SYNRG: variants seen among roughly 807,000 people sequenced by gnomAD.
SYNRG encodes the protein AP1 gamma subunit binding protein 1.
SYNRG carries 37 observed loss-of-function variants against 130.9 expected under a neutral mutation model. The ratio of observed to expected loss-of-function variants is 0.28; its 90% CI spans 0.22 to 0.37. The LOEUF (loss-of-function observed/expected upper bound fraction) is 0.37, where lower values mean the gene tolerates loss of function less well. Ranked by LOEUF, SYNRG falls within the 10% of genes least tolerant of loss-of-function variation. The pLI, the probability that SYNRG is intolerant of heterozygous loss-of-function variation, is 1.00. For synonymous variants in SYNRG, 539 were observed against 568.1 expected, an observed-to-expected ratio of 0.95 and a Z score of 0.73; for missense variants, 1,338 against 1,588.9, an observed-to-expected ratio of 0.84 and a Z score of 2.68.
At chr17:37,564,703 A>C (rs1468175791) in intron 11 of SYNRG, among the ~76,000 whole-genome samples, 2 of 152,218 alleles carry the variant, frequency 1.3e-5, no homozygotes, top group African/African-American at 4.8e-5. Context: ...ACCATGATTT[A>C]ACAAATCTCT....
At chr17:37,582,937 C>T (rs766210566) in intron 6 of SYNRG, among the ~76,000 whole-genome samples, 11 of 151,340 alleles carry the variant, frequency 7.3e-5, no homozygotes, top group Admixed American at 2.0e-4. Flanking sequence ...TTAAAAGGTG[C>T]CTTTGGTGGT....
In SYNRG at chr17:37,527,003, A is replaced by T. The variant is rs376800913; in HGVS notation, c.3667-6355T>A. ...ATCCTGTCTCTAAAACATTGTGCAGACTGGCAAGATGACAAAAATGCTATC... is the reference window on the plus strand; with the variant it reads ...ATCCTGTCTCTAAAACATTGTGCAGTCTGGCAAGATGACAAAAATGCTATC... On this transcript the variant is annotated intron_variant, in intron 19 of 21. Transcript: ENST00000612223. Among the ~76,000 whole-genome samples the T allele has an allele frequency of 8.5e-5, 13 of 152,358 alleles. No homozygotes were observed. The East Asian group carries it at 2.3e-3, about 27-fold the overall frequency.
intron 10 of SYNRG, 28 bp downstream of exon 10, chr17:37,570,609 C>T: frequency 1.9e-6 from 3 of 1,587,794 alleles, no homozygotes; most frequent in Non-Finnish European, 2.6e-6. Flanking sequence ...CAGTGATTAT[C>T]TGAAATATGC....
intron 1 of SYNRG, among the ~76,000 whole-genome samples, chr17:37,608,672 A>G (rs2064039021): frequency 2.0e-5 from 3 of 152,204 alleles, no homozygotes; most frequent in African/African-American, 7.2e-5. Context: ...AAGAAGACAG[A>G]CAAGTCTTAA....
chr17:37,575,169 G>A (rs1394000959), intron 8 of SYNRG, among the ~76,000 whole-genome samples: 2 of 151,914 alleles, frequency 1.3e-5, no homozygotes, highest in Non-Finnish European at 2.9e-5. Context: ...AGTGGTGGGG[G>A]GGAATAATGG....
chr17:37,581,387 C>A (rs1273130716), intron 6 of SYNRG, among the ~76,000 whole-genome samples: 1 of 146,588 alleles, frequency 6.8e-6, no homozygotes, highest in South Asian at 2.2e-4. Flanking sequence ...AAGTGATTCT[C>A]GTGCCTCAGC....
chr17:37,571,324 G>A (rs1202629704), intron 9 of SYNRG, among the ~76,000 whole-genome samples: 2 of 152,218 alleles, frequency 1.3e-5, no homozygotes, highest in African/African-American at 4.8e-5. Flanking sequence ...GCTCATGCCT[G>A]TAATCCCAGC....
intron 14 of SYNRG, among the ~76,000 whole-genome samples, chr17:37,549,310 A>G (rs1445992623): frequency 6.6e-6 from 1 of 152,142 alleles, no homozygotes; most frequent in Non-Finnish European, 1.5e-5. Flanking sequence ...AAAAACAGTA[A>G]TATTCTCAAG....
chr17:37,555,987 G>A (rs1453854664), intron 13 of SYNRG, among the ~76,000 whole-genome samples: 1 of 151,972 alleles, frequency 6.6e-6, no homozygotes, highest in Non-Finnish European at 1.5e-5. Flanking sequence ...TGCCATTTCT[G>A]GAGATTAAAA....
chr17:37,606,130 T>C (rs1205538521), intron 1 of SYNRG: 7 of 483,946 alleles, frequency 1.4e-5, no homozygotes, highest in African/African-American at 2.1e-5. Flanking sequence ...GGCACAACTC[T>C]ACTTTGCAGT....
Position 37,536,118 on chromosome 17 carries a change from T to A in SYNRG, c.3527A>T (p.Glu1176Val). 1 of 1,610,910 alleles carries A rather than the reference T, an allele frequency of 6.2e-7. No homozygotes were observed. The highest frequency in any genetic ancestry group is 8.5e-7 in the Non-Finnish European group (1 of 1,178,436). The part of the protein sequence containing the change: ...QGMEYLLGVV[E>V]VYRVTKRVEL... ...CACACGCTTGGTTACCCTGTACACT[T>A]CAACAACACCTGACGGGATGAGAGA... is the stretch of plus-strand genomic sequence containing the variant. The change falls in exon 19 of 22, where the codon GAA becomes GTA. Residue 1176 changes from glutamate to valine, a missense_variant. This residue lies in a region of SYNRG where 1,146 missense variants were observed against 1,342.3 expected (regional missense o/e 0.85). Coordinates refer to ENST00000612223, the MANE Select transcript of SYNRG (RefSeq NM_007247.6).
At chr17:37,538,243 C>T in intron 18 of SYNRG, 81 bp downstream of exon 18, 4 of 1,072,170 alleles carry the variant, frequency 3.7e-6, no homozygotes, top group Non-Finnish European at 5.4e-6. Flanking sequence ...CTTGAGAGAT[C>T]TAGCTTAAAA....
intron 3 of SYNRG, among the ~76,000 whole-genome samples, chr17:37,595,270 T>C (rs929367702): frequency 1.1e-4 from 17 of 152,228 alleles, no homozygotes; most frequent in Admixed American, 1.1e-3. Flanking sequence ...ATTCTGGTCA[T>C]GAAGTCCTAA....
At chr17:37,571,651 T>C in intron 9 of SYNRG, 140 bp downstream of exon 9, 1 of 744,040 alleles carries the variant, frequency 1.3e-6, no homozygotes, top group Non-Finnish European at 2.1e-6. Flanking sequence ...TTATAAACTC[T>C]ACATTTTTGA....
intron 1 of SYNRG, 88 bp downstream of exon 1, chr17:37,609,191 A>G: frequency 7.8e-7 from 1 of 1,289,096 alleles, no homozygotes; most frequent in East Asian, 3.1e-5. Context: ...GAAAAGGATC[A>G]GGGCTGGAGA....
At chr17:37,604,010 G>A (rs1422709671) in intron 1 of SYNRG, among the ~76,000 whole-genome samples, 13 of 152,144 alleles carry the variant, frequency 8.5e-5, no homozygotes, top group Non-Finnish European at 1.8e-4. Context: ...GGAGGCCGAG[G>A]TGGGTGGATT....
At chr17:37,594,993 G>C (rs2062628306) in intron 3 of SYNRG, among the ~76,000 whole-genome samples, 1 of 152,178 alleles carries the variant, frequency 6.6e-6, no homozygotes, top group South Asian at 2.1e-4. Flanking sequence ...AGAAAACATG[G>C]AGCAGAGTCA....
chr17:37,526,791 A>G (rs1381814885), intron 19 of SYNRG, among the ~76,000 whole-genome samples: 1 of 152,148 alleles, frequency 6.6e-6, no homozygotes, highest in Non-Finnish European at 1.5e-5. Context: ...GATCCATGTG[A>G]TGACATTGGG....
intron 14 of SYNRG, among the ~76,000 whole-genome samples, chr17:37,552,236 CTCA>C (rs2058763468): frequency 1.3e-5 from 2 of 152,078 alleles, no homozygotes; most frequent in Admixed American, 1.3e-4. Context: ...TGAGATATTT[CTCA>C]TTATTAAAAG....
Sources: gnomAD v4.1 joint callset for allele counts (sites outside exome capture counted in the v4.1 genomes callset) on GRCh38, gnomAD v4.1.1 for gene constraint, gnomAD v4.1.1 regional missense constraint, MANE v1.5 for transcripts, NCBI Gene and HGNC (gene_info 2026-07-23, HGNC 2026-07-21) for gene names.